NDRG1: variants seen among roughly 807,000 people sequenced by gnomAD.
NDRG1 encodes N-myc downstream regulated 1, also known as protein NDRG1.
Under a neutral mutation model 56.9 loss-of-function variants are expected in NDRG1, and 32 were observed. That is an observed-to-expected ratio of 0.56 (90% confidence interval 0.42 to 0.76). NDRG1 has a LOEUF of 0.76. NDRG1 is among the 30% of genes least tolerant of loss of function. NDRG1 has a pLI of 0.00. For missense variants in NDRG1, 507 were observed against 545.7 expected, an observed-to-expected ratio of 0.93 and a Z score of 0.71; for synonymous variants, 211 against 204.1, an observed-to-expected ratio of 1.03 and a Z score of -0.29.
At chr8:133,290,316 C>T (rs1858361084) in intron 1 of NDRG1, among the ~76,000 whole-genome samples, 1 of 152,174 alleles carries the variant, frequency 6.6e-6, no homozygotes, top group Non-Finnish European at 1.5e-5. Context: ...TGTAACCCTA[C>T]ACAGACACAC....
chr8:133,290,723 T>C (rs935831866), intron 1 of NDRG1, among the ~76,000 whole-genome samples: 3 of 152,196 alleles, frequency 2.0e-5, no homozygotes, highest in Non-Finnish European at 4.4e-5. Flanking sequence ...ATGAGCAGGC[T>C]TGAGCTTTTG....
chr8:133,283,267 G>A (rs1857918097), intron 2 of NDRG1, among the ~76,000 whole-genome samples: 2 of 152,248 alleles, frequency 1.3e-5, no homozygotes, highest in South Asian at 4.1e-4. Context: ...CAGGCATGCA[G>A]GATGTGGTTA....
At chr8:133,282,339 G>C (rs780670125) in intron 2 of NDRG1, among the ~76,000 whole-genome samples, 5 of 152,168 alleles carry the variant, frequency 3.3e-5, no homozygotes, top group Non-Finnish European at 5.9e-5. Flanking sequence ...ATAGCAAAAG[G>C]CTGGAAAGAC....
rs565705964 is a variant in NDRG1 at position 133,239,083 on chromosome 8, C to A, written c.980G>T (p.Arg327Leu). Residue 327 changes from arginine (R) to leucine (L), a missense_variant, in exon 16 of 16, where the codon CGC (arginine) becomes CTC (leucine). By Grantham distance (102) the Arg-to-Leu change is moderately radical. Coordinates refer to ENST00000323851, the MANE Select transcript of NDRG1 (RefSeq NM_006096.4). ...AGTGACGCTGGAACCAGAGGCTGTG[C>A]GGGACCGCATCAGGCGGGTCATGCT... ...SASMTRLMRS[R>L]TASGSSVTSL... 6.4e-6 allele frequency: 10 copies of A among 1,573,648 alleles called. No individual in the cohort carries two copies. In the Admixed American group the frequency reaches 1.3e-4, roughly 21 times the overall value.
chr8:133,257,282 T>TGC (rs376436340), intron 7 of NDRG1, among the ~76,000 whole-genome samples: 25 of 146,822 alleles, frequency 1.7e-4, no homozygotes, highest in Middle Eastern at 3.4e-3. Context: ...AACACATGCA[T>TGC]ACACACACAC....
intron 13 of NDRG1, 39 bp from the exon 14 acceptor site, chr8:133,244,429 G>A: frequency 6.2e-7 from 1 of 1,613,638 alleles, no homozygotes; most frequent in Non-Finnish European, 8.5e-7. Flanking sequence ...AAACACCACA[G>A]CCAAGGCCCT....
intron 12 of NDRG1, 88 bp from the exon 13 acceptor site, chr8:133,246,751 CCAGAAACTCCAGTATT>C (rs1316102866): frequency 8.7e-7 from 1 of 1,148,304 alleles, no homozygotes; most frequent in East Asian, 2.3e-5. Flanking sequence ...GCCACCGTCA[CCAGAAACTCCAGTATT>C]TCTGCTGGCA....
chr8:133,284,440 CT>C, intron 1 of NDRG1, 111 bp from the exon 2 acceptor site: 1 of 901,914 alleles, frequency 1.1e-6, no homozygotes, highest in Non-Finnish European at 1.8e-6. Flanking sequence ...TGCCCAGCAG[CT>C]TCACCTCCCT....
chr8:133,258,462 A>G (rs984090794), intron 6 of NDRG1, 36 bp from the exon 7 acceptor site: 10 of 1,590,478 alleles, frequency 6.3e-6, no homozygotes, highest in African/African-American at 4.0e-5. Flanking sequence ...TCACACAAGG[A>G]CAGAGTGACG....
intron 3 of NDRG1, 126 bp from the exon 4 acceptor site, chr8:133,264,778 C>T: frequency 1.2e-6 from 1 of 803,864 alleles, no homozygotes; most frequent in South Asian, 1.4e-5. Flanking sequence ...CATAAGAGCC[C>T]CGGCTTCGGG....
intron 12 of NDRG1, among the ~76,000 whole-genome samples, chr8:133,247,421 T>G (rs1237673850): frequency 1.3e-5 from 2 of 152,214 alleles, no homozygotes; most frequent in Admixed American, 6.5e-5. Flanking sequence ...GGCAGATTCC[T>G]CTCTTTGCTG....
At chr8:133,273,441 C>T (rs2929994) in intron 3 of NDRG1, among the ~76,000 whole-genome samples, 130,640 of 151,970 alleles carry the variant, frequency 0.86, 56,333 homozygotes, top group East Asian at 1. Flanking sequence ...GCAAATCCCT[C>T]CAGATTTTCT....
intron 3 of NDRG1, among the ~76,000 whole-genome samples, chr8:133,268,434 A>G (rs1857022685): frequency 6.6e-6 from 1 of 152,194 alleles, no homozygotes; most frequent in African/African-American, 2.4e-5. Context: ...GCAGGACTCA[A>G]AAAAGAGGCT....
rs186361249 is a variant in NDRG1, at chr8:133,291,294, G to A, written c.-19+5840C>T. Among the ~76,000 whole-genome samples, 19 of 152,342 alleles carry A rather than the reference G, an allele frequency of 1.2e-4. No homozygotes were observed. In the East Asian group the frequency reaches 3.5e-3, roughly 28 times the overall value. On this transcript the variant is annotated intron_variant, in intron 1 of 15. Coordinates refer to ENST00000323851, the MANE Select transcript of NDRG1 (RefSeq NM_006096.4). ...AGGAGGGAAAAAATCAACATGTGCTGTGGCTGTTTGCTGTAGCAACTTCCC... is the reference window on the plus strand; with the variant it reads ...AGGAGGGAAAAAATCAACATGTGCTATGGCTGTTTGCTGTAGCAACTTCCC...
chr8:133,264,887 A>T lies in NDRG1; in HGVS notation c.100-235T>A, dbSNP rs986410930. The stretch of plus-strand genomic sequence containing the variant: ...AGGCCTGGCTCAGACTGCGCTGTTA[A>T]ATGCACCAAATGCTGGGGAAAGGGC... On this transcript the variant is annotated intron_variant, in intron 3 of 15. Coordinates refer to ENST00000323851, the MANE Select transcript of NDRG1 (RefSeq NM_006096.4). 8 of 562,524 alleles carry T rather than the reference A, an allele frequency of 1.4e-5. No homozygotes were observed. The Admixed American group carries it at 1.5e-4, about 10-fold the overall frequency. 34.8% of individuals were successfully genotyped at this position (562,524 alleles called of 1,614,324 possible). A position where few individuals can be genotyped will look rare whatever the true frequency, so the allele number is the denominator to read the frequency against.
chr8:133,264,666 GCAGA>G lies in NDRG1; in HGVS notation c.100-18_100-15del. On this transcript the variant is annotated splice_polypyrimidine_tract_variant and intron_variant, in intron 3 of 15. Coordinates refer to ENST00000323851, the MANE Select transcript of NDRG1 (RefSeq NM_006096.4). ...GATGTCCTGCTCCTGAGGAGACACA[GCAGA>G]CAGTGGGCTGGTCATGTGGGGTTCA... 1 of 1,608,908 alleles carries G rather than the reference GCAGA, an allele frequency of 6.2e-7. No individual in the cohort carries two copies. The highest frequency in any genetic ancestry group is 1.1e-5 in the South Asian group (1 of 90,982).
intron 11 of NDRG1, among the ~76,000 whole-genome samples, 187 bp from the exon 12 acceptor site, chr8:133,248,113 TAGTATGAATTTC>T (rs1433067902): frequency 6.6e-6 from 1 of 152,212 alleles, no homozygotes; most frequent in Non-Finnish European, 1.5e-5. Context: ...ATTCACAACT[TAGTATGAATTTC>T]AGCCAGGGAA....
chr8:133,291,332 G>T (rs927632724), intron 1 of NDRG1, among the ~76,000 whole-genome samples: 1 of 152,154 alleles, frequency 6.6e-6, no homozygotes, highest in Non-Finnish European at 1.5e-5. Flanking sequence ...GAAAATTGCC[G>T]AGAACAGCAC....
At chr8:133,267,921 T>C (rs1282760670) in intron 3 of NDRG1, among the ~76,000 whole-genome samples, 1 of 152,120 alleles carries the variant, frequency 6.6e-6, no homozygotes, top group Non-Finnish European at 1.5e-5. Flanking sequence ...GGTACTAATG[T>C]GGCAGCAGGT....
Sources: allele counts gnomAD v4.1 joint callset (sites outside exome capture counted in the v4.1 genomes callset), GRCh38; gene constraint gnomAD v4.1.1; transcripts MANE v1.5; gene names NCBI Gene and HGNC (gene_info 2026-07-23, HGNC 2026-07-21).